HSF5: variants seen among roughly 807,000 people sequenced by gnomAD.
The protein encoded by HSF5 is heat shock transcription factor 5.
Under a neutral mutation model 50.8 loss-of-function variants are expected in HSF5, and 5 were observed. The observed-to-expected ratio is 0.10, with a 90% CI of 0.05 to 0.21. HSF5 has a LOEUF of 0.21. Ranked by LOEUF, HSF5 falls within the 10% of genes least tolerant of loss-of-function variation. The pLI, the probability that HSF5 is intolerant of heterozygous loss-of-function variation, is 1.00. For missense variants in HSF5, 564 were observed against 762.6 expected, an observed-to-expected ratio of 0.74 and a Z score of 3.07; for synonymous variants, 307 against 307.4, an observed-to-expected ratio of 1.00 and a Z score of 0.02.
At chr17:58,473,484 T>C (rs986975073) in intron 2 of HSF5, among the ~76,000 whole-genome samples, 5 of 152,140 alleles carry the variant, frequency 3.3e-5, no homozygotes, top group Non-Finnish European at 5.9e-5. Flanking sequence ...TAAAATGAAG[T>C]TTTTCATAAA....
chr17:58,449,465 C>T (rs1221067696), intron 5 of HSF5, among the ~76,000 whole-genome samples: 1 of 152,128 alleles, frequency 6.6e-6, no homozygotes, highest in Non-Finnish European at 1.5e-5. Flanking sequence ...TTCTGGAGAC[C>T]GAGGCAGGCG....
intron 2 of HSF5, among the ~76,000 whole-genome samples, chr17:58,479,093 C>T (rs1045505386): frequency 4.0e-5 from 6 of 151,838 alleles, no homozygotes; most frequent in Admixed American, 3.9e-4. Context: ...AATAACACTG[C>T]GGAGATCCCA....
At position 58,462,888 on chromosome 17, in the gene HSF5, G is replaced by A; in HGVS notation, c.1436C>T (p.Ala479Val). Residue 479 changes from alanine to valine, a missense_variant, in exon 4 of 6, where the codon GCA (alanine) becomes GTA (valine). Around this residue, in one of 5 missense-constraint regions of HSF5, gnomAD observed 441 missense variants for 533.6 expected, o/e 0.83. Transcript: ENST00000323777. ...PVENSTIQES[A>V]AIQQAHVKLK... ...TTTGACATGAGCTTGCTGGATGGCTGCAGATTCCTGTATTGTGCTATTTTC... is the reference window on the plus strand; with the variant it reads ...TTTGACATGAGCTTGCTGGATGGCTACAGATTCCTGTATTGTGCTATTTTC... The A allele has an allele frequency of 6.2e-7, 1 of 1,614,136 alleles. No homozygotes were observed. The highest frequency in any genetic ancestry group is 8.5e-7 in the Non-Finnish European group (1 of 1,179,988).
intron 1 of HSF5, among the ~76,000 whole-genome samples, chr17:58,482,709 CA>C (rs34783781): frequency 0.02 from 264 of 13,452 alleles, no homozygotes; most frequent in African/African-American, 0.058. Context: ...GACTCCATCT[CA>C]AAAAAAAAAA....
chr17:58,486,200 C>T (rs1004317484), intron 1 of HSF5, among the ~76,000 whole-genome samples: 1 of 152,050 alleles, frequency 6.6e-6, no homozygotes, highest in Non-Finnish European at 1.5e-5. Context: ...CTCGTCTCTA[C>T]TAAAAAATAT....
chr17:58,433,590 G>T (rs1052202665), intron 5 of HSF5, among the ~76,000 whole-genome samples: 2 of 152,182 alleles, frequency 1.3e-5, no homozygotes, highest in African/African-American at 4.8e-5. Context: ...TTCAGTAAAA[G>T]AAACTACAGA....
intron 5 of HSF5, among the ~76,000 whole-genome samples, chr17:58,445,082 C>A (rs73317753): frequency 3.3e-5 from 5 of 152,120 alleles, no homozygotes; most frequent in African/African-American, 1.2e-4. Context: ...CTTACAGAAG[C>A]CTTCCTTAAA....
chr17:58,469,592 A>C (rs1974918623), intron 2 of HSF5, among the ~76,000 whole-genome samples: 1 of 152,202 alleles, frequency 6.6e-6, no homozygotes, highest in Non-Finnish European at 1.5e-5. Context: ...AGTATTAGTA[A>C]GTTTACTGAA....
chr17:58,446,290 G>C (rs1178252972), intron 5 of HSF5, among the ~76,000 whole-genome samples: 2 of 152,170 alleles, frequency 1.3e-5, no homozygotes, highest in Non-Finnish European at 2.9e-5. Context: ...ATGAATCACA[G>C]TGCCTGGATT....
intron 1 of HSF5, among the ~76,000 whole-genome samples, chr17:58,483,362 A>T (rs1046091912): frequency 5.9e-5 from 9 of 152,204 alleles, no homozygotes; most frequent in African/African-American, 2.2e-4. Context: ...CTGTTTTTTT[A>T]AAATAAAGAA....
rs541231101 is a variant in HSF5 at position 58,471,642 on chromosome 17, A to G, written c.926-4663T>C. On this transcript the variant is annotated intron_variant, in intron 2 of 5. Coordinates refer to ENST00000323777, the MANE Select transcript of HSF5 (RefSeq NM_001080439.3). ...CTTTCTTTTTTTTTTTTGAGACACA[A>G]TCTTGCTCTGTTGCCCAGGCTGGTC... Among the ~76,000 whole-genome samples, 12 of 149,920 alleles carry G rather than the reference A, an allele frequency of 8.0e-5. No homozygotes were observed. The East Asian group carries it at 1.4e-3, about 17-fold the overall frequency.
chr17:58,439,011 T>C (rs1974463577), intron 5 of HSF5, among the ~76,000 whole-genome samples: 1 of 151,784 alleles, frequency 6.6e-6, no homozygotes, highest in South Asian at 2.1e-4. Context: ...CCCAGCTACT[T>C]CTTTGGGGGG....
chr17:58,427,689 G>A (rs1459922785), intron 5 of HSF5, among the ~76,000 whole-genome samples: 1 of 152,110 alleles, frequency 6.6e-6, no homozygotes, highest in African/African-American at 2.4e-5. Context: ...TATCTACCAA[G>A]ATAAAAAACA....
chr17:58,422,082 A>G lies in HSF5; in HGVS notation c.*278T>C, dbSNP rs1257599030. The G allele has an allele frequency of 5.9e-6, 2 of 340,568 alleles. No homozygotes were observed. The highest frequency in any genetic ancestry group is 3.9e-5 in the South Asian group (1 of 25,548). 21.1% of individuals were successfully genotyped at this position (340,568 alleles called of 1,614,324 possible). On this transcript the variant is annotated 3_prime_UTR_variant, in exon 6 of 6. Transcript: ENST00000323777. ...AGCAGTTTTTAGATGCTCCTTGACT[A>G]TAACAGAAGGTCAGAACTTTTCATT...
intron 1 of HSF5, among the ~76,000 whole-genome samples, chr17:58,481,118 T>TA (rs1367015927): frequency 6.6e-6 from 1 of 152,202 alleles, no homozygotes; most frequent in Non-Finnish European, 1.5e-5. Flanking sequence ...ATAATCTTTA[T>TA]AAAAAAGTCA....
chr17:58,439,672 C>A lies in HSF5; in HGVS notation c.1721-17242G>T, dbSNP rs561230267. Among the ~76,000 whole-genome samples the A allele has an allele frequency of 1.7e-3, 256 of 152,070 alleles. 1 individual carries two copies. The highest frequency in any genetic ancestry group is 5.8e-3 in the African/African-American group (242 of 41,474). ...GCTAATTCTGTATTTTCAGTAGAGA[C>A]GGGGTTTCACCATGTTGGTCAGGCT... is the stretch of plus-strand genomic sequence containing the variant. On this transcript the variant is annotated intron_variant, in intron 5 of 5. Transcript: ENST00000323777.
intron 2 of HSF5, among the ~76,000 whole-genome samples, chr17:58,474,627 C>T (rs1974986867): frequency 6.6e-6 from 1 of 152,038 alleles, no homozygotes; most frequent in Non-Finnish European, 1.5e-5. Flanking sequence ...ATAATTTTAA[C>T]AAACAGCAGT....
chr17:58,458,031 A>C (rs1974736869), intron 5 of HSF5, among the ~76,000 whole-genome samples: 2 of 152,220 alleles, frequency 1.3e-5, no homozygotes, highest in Non-Finnish European at 2.9e-5. Flanking sequence ...GTAGGTTAAA[A>C]TGATGGTCTG....
chr17:58,467,087 C>A (rs1480070841), intron 2 of HSF5, 108 bp from the exon 3 acceptor site: 3 of 677,772 alleles, frequency 4.4e-6, no homozygotes, highest in Non-Finnish European at 7.8e-6. Context: ...TGAAGAACTT[C>A]TTTTGTATGT....
Sources: allele counts gnomAD v4.1 joint callset (sites outside exome capture counted in the v4.1 genomes callset), GRCh38; gene constraint gnomAD v4.1.1; regional missense constraint gnomAD v4.1.1; transcripts MANE v1.5; gene names NCBI Gene and HGNC (gene_info 2026-07-23, HGNC 2026-07-21).